The following RBFOX1 variants were observed in gnomAD, a reference collection of about 807,000 sequenced individuals.
RBFOX1 encodes the protein RNA binding protein fox-1 homolog 1.
RBFOX1 carries 8 observed loss-of-function variants against 57.7 expected under a neutral mutation model. That is an observed-to-expected ratio of 0.14 (90% CI 0.08 to 0.25). The LOEUF is 0.25. RBFOX1 is among the 10% of genes least tolerant of loss of function. The probability of loss-of-function intolerance (pLI) is 1.00; values close to 1 mark genes in which losing one functional copy is unlikely to be tolerated. For missense variants in RBFOX1, 611 were observed against 548.5 expected (o/e 1.11, Z -1.14); for synonymous variants, 326 against 222.4 (o/e 1.47, Z -4.15).
At chr16:6,655,648 A>G (rs2098645132) in intron 3 of RBFOX1, among the ~76,000 whole-genome samples, 1 of 152,168 alleles carries the variant, frequency 6.6e-6, no homozygotes, top group South Asian at 2.1e-4. Context: ...TCTGCAGCAA[A>G]GCACATCCAA....
intron 4 of RBFOX1, among the ~76,000 whole-genome samples, chr16:7,261,864 G>A (rs2094931893): frequency 6.6e-6 from 1 of 152,138 alleles, no homozygotes; most frequent in Non-Finnish European, 1.5e-5. Flanking sequence ...ATTTGTTCAG[G>A]AGGCAAGGTT....
intron 4 of RBFOX1, among the ~76,000 whole-genome samples, chr16:7,500,138 T>C (rs545986713): frequency 6.6e-6 from 1 of 152,214 alleles, no homozygotes; most frequent in Admixed American, 6.5e-5. Context: ...AAGAATAATA[T>C]TTATGCACTG....
chr16:7,356,856 C>T (rs2097222806), intron 4 of RBFOX1, among the ~76,000 whole-genome samples: 2 of 152,140 alleles, frequency 1.3e-5, no homozygotes, highest in Non-Finnish European at 2.9e-5. Context: ...AGTCTTTCGT[C>T]TTCAGTATCT....
At chr16:7,579,969 G>C in intron 6 of RBFOX1, 49 bp downstream of exon 6, 1 of 1,591,926 alleles carries the variant, frequency 6.3e-7, no homozygotes, top group East Asian at 2.2e-5. Flanking sequence ...GGGTTCCAGA[G>C]ACCTCCCTGT....
At chr16:6,899,307 GTGTA>G (rs2067867296) in intron 3 of RBFOX1, among the ~76,000 whole-genome samples, 1 of 152,162 alleles carries the variant, frequency 6.6e-6, no homozygotes, top group Non-Finnish European at 1.5e-5. Context: ...GTGTATGCAT[GTGTA>G]TGTTTCAGGG....
At chr16:7,261,345 A>C (rs1001895683) in intron 4 of RBFOX1, among the ~76,000 whole-genome samples, 1 of 152,150 alleles carries the variant, frequency 6.6e-6, no homozygotes, top group Non-Finnish European at 1.5e-5. Flanking sequence ...CATTATCATC[A>C]CTACTACTGT....
intron 4 of RBFOX1, among the ~76,000 whole-genome samples, chr16:7,086,496 G>A (rs1228187773): frequency 2.0e-5 from 3 of 151,994 alleles, no homozygotes; most frequent in Admixed American, 2.0e-4. Context: ...TTCAGTAATG[G>A]AGATAATTTT....
In RBFOX1 at chr16:5,697,092, A is replaced by T. The variant is rs552653259; in HGVS notation, c.318+98131A>T. ...TCTAGATAAGTTAGAATTTTGTACT[A>T]TGTGAAGGGGTAGTTTTTTCTCATA... On this transcript the variant is annotated intron_variant, in intron 3 of 19. Coordinates refer to the RBFOX1 transcript ENST00000641259. Among the ~76,000 whole-genome samples the T allele has an allele frequency of 2.0e-5, 3 of 152,070 alleles. No individual in the cohort carries two copies. In the South Asian group the frequency reaches 6.2e-4, roughly 31 times the overall value.
chr16:6,980,144 TC>T (rs1464991832), intron 3 of RBFOX1, among the ~76,000 whole-genome samples: 2 of 152,266 alleles, frequency 1.3e-5, no homozygotes, highest in East Asian at 3.9e-4. Context: ...AGAACCTTAA[TC>T]CCTCTTCAAT....
intron 4 of RBFOX1, among the ~76,000 whole-genome samples, chr16:7,432,783 A>G (rs898236268): frequency 6.6e-6 from 1 of 152,154 alleles, no homozygotes; most frequent in African/African-American, 2.4e-5. Flanking sequence ...AATCTCCCCC[A>G]AGCATTCTGT....
intron 4 of RBFOX1, among the ~76,000 whole-genome samples, chr16:5,977,685 T>G (rs2060092816): frequency 6.6e-6 from 1 of 151,972 alleles, no homozygotes; most frequent in Non-Finnish European, 1.5e-5. Flanking sequence ...CAGGCTCAGT[T>G]GTCTGTTTTG....
chr16:6,657,149 T>G (rs1036521503), intron 3 of RBFOX1, among the ~76,000 whole-genome samples: 2 of 149,590 alleles, frequency 1.3e-5, no homozygotes, highest in Non-Finnish European at 3.0e-5. Flanking sequence ...TCTCCTCTTC[T>G]CTCCTCTTTT....
chr16:6,956,137 C>G (rs758751341), intron 3 of RBFOX1, among the ~76,000 whole-genome samples: 1 of 152,088 alleles, frequency 6.6e-6, no homozygotes, highest in Non-Finnish European at 1.5e-5. Context: ...TAAATGGGAC[C>G]TGGACAGATT....
intron 8 of RBFOX1, among the ~76,000 whole-genome samples, chr16:7,596,501 A>C (rs2094707911): frequency 6.6e-6 from 1 of 152,088 alleles, no homozygotes; most frequent in East Asian, 1.9e-4. Flanking sequence ...AACTGTATAC[A>C]AACCCATGCT....
chr16:5,340,953 A>T (rs1174866804), intron 1 of RBFOX1, among the ~76,000 whole-genome samples: 3 of 152,152 alleles, frequency 2.0e-5, no homozygotes, highest in Non-Finnish European at 4.4e-5. Flanking sequence ...GGTTCGGGGA[A>T]GTCTTCCTCA....
At chr16:5,425,988 G>T (rs1388164992) in intron 1 of RBFOX1, among the ~76,000 whole-genome samples, 1 of 152,184 alleles carries the variant, frequency 6.6e-6, no homozygotes. Flanking sequence ...AGTGTGCAGG[G>T]ACAGGAAGTC....
chr16:5,632,391 G>GA (rs1234144676), intron 3 of RBFOX1: 6 of 152,206 alleles, frequency 3.9e-5, no homozygotes, highest in Middle Eastern at 3.2e-3. Context: ...TTAAGATGGA[G>GA]ATGCTAATAG....
intron 5 of RBFOX1, among the ~76,000 whole-genome samples, chr16:7,547,872 G>C (rs1356787553): frequency 6.6e-6 from 1 of 152,150 alleles, no homozygotes; most frequent in Non-Finnish European, 1.5e-5. Flanking sequence ...AATCTATCCT[G>C]ATAGGAGACA....
chr16:6,578,627 CAG>C lies in RBFOX1; in HGVS notation c.-63-75973_-63-75972del, dbSNP rs563240512. On this transcript the variant is annotated intron_variant, in intron 2 of 15. Coordinates refer to ENST00000550418, the MANE Select transcript of RBFOX1 (RefSeq NM_018723.4). ...TGTGTGTGTGTGAGCATGGGAGAAACAGAGGGACATAGGAAGAGACAAAAATA... is the reference window on the plus strand; with the variant it reads ...TGTGTGTGTGTGAGCATGGGAGAAACAGGGACATAGGAAGAGACAAAAATA... Among the ~76,000 whole-genome samples the C allele has an allele frequency of 4.3e-3, 56 of 13,076 alleles. No homozygotes were observed. In the East Asian group the frequency reaches 0.15, roughly 34 times the overall value. 8.6% of individuals were successfully genotyped at this position (13,076 alleles called of 152,430 possible).
Sources: gnomAD v4.1 joint callset for allele counts (sites outside exome capture counted in the v4.1 genomes callset) on GRCh38, gnomAD v4.1.1 for gene constraint, MANE v1.5 for transcripts, NCBI Gene and HGNC (gene_info 2026-07-23, HGNC 2026-07-21) for gene names.